Variants in GPC4 observed in about 807,000 individuals in gnomAD.
GPC4 encodes the protein glypican-4.
GPC4 carries 10 observed loss-of-function variants against 35.0 expected under a neutral mutation model. The ratio of observed to expected loss-of-function variants is 0.29; its 90% confidence interval spans 0.18 to 0.48. The LOEUF (loss-of-function observed/expected upper bound fraction) is 0.48, where lower values mean the gene tolerates loss of function less well. Among genes scored for constraint, GPC4 ranks in the 20% least tolerant of loss-of-function variants. The pLI is 0.99. For missense variants in GPC4, 322 were observed against 451.3 expected (o/e 0.71, Z 2.60); for synonymous variants, 167 against 170.2 (o/e 0.98, Z 0.15).
intron 1 of GPC4, among the ~76,000 whole-genome samples, chrX:133,393,964 T>A (rs1006793504): frequency 3.6e-5 from 4 of 111,577 alleles, no homozygotes; most frequent in Non-Finnish European, 7.5e-5. Context: ...CATACCACAA[T>A]TTAAGCCATA....
intron 1 of GPC4, among the ~76,000 whole-genome samples, chrX:133,358,306 C>G (rs1325953262): frequency 1.8e-5 from 2 of 112,236 alleles, no homozygotes; most frequent in African/African-American, 6.5e-5. Context: ...CCAAAGGTTT[C>G]TACAGATAAA....
chrX:133,388,738 G>A (rs183348936), intron 1 of GPC4, among the ~76,000 whole-genome samples: 95 of 109,993 alleles, frequency 8.6e-4, no homozygotes, highest in Middle Eastern at 4.7e-3. Context: ...TCCTGACCTC[G>A]TGATCCACCT....
At chrX:133,354,552 A>ATTTT in intron 1 of GPC4, among the ~76,000 whole-genome samples, 2 of 89,043 alleles carry the variant, frequency 2.2e-5, no homozygotes, top group African/African-American at 1.1e-4. Context: ...TTATTTATTT[A>ATTTT]TTTATTTATT....
intron 1 of GPC4, among the ~76,000 whole-genome samples, chrX:133,340,429 T>A (rs1260065706): frequency 8.9e-6 from 1 of 112,077 alleles, no homozygotes; most frequent in Non-Finnish European, 1.9e-5. Context: ...CTGCTATTGC[T>A]GTCCATGTTC....
intron 1 of GPC4, among the ~76,000 whole-genome samples, chrX:133,355,891 T>A (rs932552037): frequency 9.0e-6 from 1 of 111,629 alleles, no homozygotes; most frequent in Admixed American, 9.5e-5. Context: ...TGTGACATGC[T>A]GTCTCCTACT....
At chrX:133,303,101 A>G (rs1416670543) in intron 8 of GPC4, 32 bp from the exon 9 acceptor site, 1 of 1,208,014 alleles carries the variant, frequency 8.3e-7, no homozygotes, top group East Asian at 3.0e-5. Context: ...TAGAAATTTC[A>G]TTCCACTTGT....
chrX:133,344,280 C>A (rs2068482410), intron 1 of GPC4, among the ~76,000 whole-genome samples: 1 of 88,170 alleles, frequency 1.1e-5, no homozygotes, highest in Non-Finnish European at 2.2e-5. Context: ...GGCTGGAGTG[C>A]AATGGCGTGA....
chrX:133,408,001 T>C (rs923235243), intron 1 of GPC4, among the ~76,000 whole-genome samples: 5 of 112,671 alleles, frequency 4.4e-5, no homozygotes, highest in African/African-American at 1.3e-4. Flanking sequence ...TTAGAGTTTC[T>C]TTCTCAAAAG....
At chrX:133,306,409 A>G (rs2068291266) in intron 4 of GPC4, among the ~76,000 whole-genome samples, 1 of 111,385 alleles carries the variant, frequency 9.0e-6, no homozygotes, top group Non-Finnish European at 1.9e-5. Flanking sequence ...AGGAAACCCA[A>G]TCAGGAACTT....
At chrX:133,303,685 C>G (rs1177147794) in intron 7 of GPC4, among the ~76,000 whole-genome samples, 1 of 110,236 alleles carries the variant, frequency 9.1e-6, no homozygotes, top group Non-Finnish European at 1.9e-5. Context: ...AACCCTGTCT[C>G]TACTAAAAAT....
In GPC4 at chrX:133,304,880, C is replaced by A. The variant is rs1262406862; in HGVS notation, c.1156-19G>T. The A allele has an allele frequency of 1.7e-6, 2 of 1,204,230 alleles. No homozygotes were observed. Among genetic ancestry groups the A allele is most frequent in the Admixed American group, 2.2e-5 (1 of 45,328 alleles). ...CAGTAACCTAATTATGAAACAACAACAACAAAAAAAGATCATTGTAAGACA... is the reference window on the plus strand; with the variant it reads ...CAGTAACCTAATTATGAAACAACAAAAACAAAAAAAGATCATTGTAAGACA... On this transcript the variant is annotated intron_variant, in intron 6 of 8. Transcript: ENST00000370828.
At chrX:133,303,903 G>GAGGA (rs59442838) in intron 7 of GPC4, among the ~76,000 whole-genome samples, 26,814 of 75,225 alleles carry the variant, frequency 0.36, 4,651 homozygotes, top group Non-Finnish European at 0.41. Context: ...TACTCTGTTG[G>GAGGA]AGGAAGGAAG....
chrX:133,336,418 C>T (rs759132217), intron 2 of GPC4, among the ~76,000 whole-genome samples: 3 of 110,625 alleles, frequency 2.7e-5, no homozygotes, highest in African/African-American at 9.9e-5. Context: ...TCCTGTAATC[C>T]CAGCTACTTG....
Position 133,302,780 on chromosome X carries a change from TA to T in GPC4, c.*86del. The stretch of plus-strand genomic sequence containing the variant: ...AACTGTACATTGTTGTCCATTCATT[TA>T]AAAAGCAAAGTCACTAGGATGGTAG... On this transcript the variant is annotated 3_prime_UTR_variant, in exon 9 of 9. Coordinates refer to ENST00000370828, the MANE Select transcript of GPC4 (RefSeq NM_001448.3). 2.2e-6 allele frequency: 2 copies of T among 922,886 alleles called. No individual in the cohort carries two copies. The highest frequency in any genetic ancestry group is 3.1e-6 in the Non-Finnish European group (2 of 653,013). The allele number at this position is 922,886 out of a possible 1,213,427, so 76.1% of individuals were successfully genotyped here.
intron 3 of GPC4, among the ~76,000 whole-genome samples, chrX:133,323,817 A>G (rs1049395601): frequency 8.9e-6 from 1 of 112,200 alleles, no homozygotes; most frequent in African/African-American, 3.2e-5. Flanking sequence ...AAGGAAGTAG[A>G]ATAAGAGCTA....
rs758127301 is a variant in GPC4 at position 133,360,793 on chromosome X, G to A, written c.161-21452C>T. Among the ~76,000 whole-genome samples, 10 of 111,696 alleles carry A rather than the reference G, an allele frequency of 9.0e-5. No individual in the cohort carries two copies. In the East Asian group the frequency reaches 1.7e-3, roughly 19 times the overall value. On this transcript the variant is annotated intron_variant, in intron 1 of 8. Coordinates refer to ENST00000370828, the MANE Select transcript of GPC4 (RefSeq NM_001448.3). ...AGAAGCAACTGCAGCAGAACAGTCT[G>A]GGGCCATTTAGCTTAGGGGCAAATA...
At chrX:133,360,221 T>A (rs1249315147) in intron 1 of GPC4, among the ~76,000 whole-genome samples, 1 of 111,656 alleles carries the variant, frequency 9.0e-6, no homozygotes, top group African/African-American at 3.3e-5. Context: ...TGCATTGTCA[T>A]TGAATCTTAA....
chrX:133,406,425 G>T (rs1234026638), intron 1 of GPC4, among the ~76,000 whole-genome samples: 1 of 112,346 alleles, frequency 8.9e-6, no homozygotes, highest in South Asian at 3.7e-4. Flanking sequence ...GAATCTCATT[G>T]GAAAATTTAG....
At chrX:133,377,137 A>T (rs1211021355) in intron 1 of GPC4, among the ~76,000 whole-genome samples, 2 of 111,623 alleles carry the variant, frequency 1.8e-5, no homozygotes, top group Non-Finnish European at 3.8e-5. Flanking sequence ...GGCATTAGGG[A>T]AAGAGAGAGG....
Sources: allele counts gnomAD v4.1 joint callset (sites outside exome capture counted in the v4.1 genomes callset), GRCh38; gene constraint gnomAD v4.1.1; transcripts MANE v1.5; gene names NCBI Gene and HGNC (gene_info 2026-07-23, HGNC 2026-07-21).